The following GRM1 variants were observed in gnomAD, a reference collection of about 807,000 sequenced individuals.
GRM1 encodes the protein glutamate metabotropic receptor 1.
In GRM1, 33 loss-of-function variants were observed where a neutral mutation model predicts 90.9. The observed-to-expected ratio is 0.36, with a 90% CI of 0.28 to 0.49. The LOEUF (loss-of-function observed/expected upper bound fraction) is 0.49, where lower values mean the gene tolerates loss of function less well. GRM1 is among the 20% of genes least tolerant of loss of function. The pLI, the probability that GRM1 is intolerant of heterozygous loss-of-function variation, is 0.99. For synonymous variants in GRM1, 700 were observed against 613.2 expected (o/e 1.14, Z -2.09); for missense variants, 1,190 against 1,534.3 (o/e 0.78, Z 3.75).
intron 2 of GRM1, among the ~76,000 whole-genome samples, chr6:146,209,542 T>C (rs1374782860): frequency 6.6e-6 from 1 of 152,076 alleles, no homozygotes; most frequent in African/African-American, 2.4e-5. Flanking sequence ...TTTATTCTAC[T>C]ATATAGGGTT....
chr6:146,344,539 T>A (rs890402012), intron 3 of GRM1, among the ~76,000 whole-genome samples: 1 of 152,214 alleles, frequency 6.6e-6, no homozygotes, highest in African/African-American at 2.4e-5. Context: ...ATAACATTAA[T>A]CTTCCTAAAT....
chr6:146,364,203 A>G (rs1248252683), intron 5 of GRM1, among the ~76,000 whole-genome samples: 1 of 152,060 alleles, frequency 6.6e-6, no homozygotes, highest in Non-Finnish European at 1.5e-5. Flanking sequence ...CTAGCTATTT[A>G]TTTTTGTTTT....
intron 1 of GRM1, among the ~76,000 whole-genome samples, chr6:146,130,759 GT>G (rs992169357): frequency 7.9e-5 from 12 of 152,148 alleles, no homozygotes; most frequent in Non-Finnish European, 2.9e-5. Context: ...TTTTATCTGA[GT>G]TTAGGCTGTG....
At chr6:146,125,003 A>G (rs959105733) in intron 1 of GRM1, among the ~76,000 whole-genome samples, 1 of 152,150 alleles carries the variant, frequency 6.6e-6, no homozygotes, top group African/African-American at 2.4e-5. Flanking sequence ...ACATCATGTA[A>G]GTGAGTTAAA....
At chr6:146,210,884 C>T (rs1287646892) in intron 2 of GRM1, among the ~76,000 whole-genome samples, 1 of 152,038 alleles carries the variant, frequency 6.6e-6, no homozygotes, top group East Asian at 1.9e-4. Context: ...CTTGTGTATG[C>T]TAAAGAATGG....
intron 2 of GRM1, among the ~76,000 whole-genome samples, chr6:146,275,797 G>A (rs1023028834): frequency 3.9e-5 from 6 of 152,062 alleles, no homozygotes; most frequent in Non-Finnish European, 4.4e-5. Flanking sequence ...AGTCAGCACC[G>A]ATGATACTGA....
chr6:146,173,483 A>G (rs1778218332), intron 2 of GRM1, among the ~76,000 whole-genome samples: 2 of 151,852 alleles, frequency 1.3e-5, no homozygotes, highest in African/African-American at 4.8e-5. Context: ...TTCCAATCCT[A>G]TCATATCCCA....
chr6:146,392,503 T>C (rs539243007), intron 6 of GRM1, among the ~76,000 whole-genome samples: 1 of 152,336 alleles, frequency 6.6e-6, no homozygotes, highest in South Asian at 2.1e-4. Flanking sequence ...AGTATTGTTA[T>C]TGGAAAAGTT....
intron 6 of GRM1, among the ~76,000 whole-genome samples, chr6:146,394,508 T>A (rs770291767): frequency 2.1e-4 from 32 of 152,158 alleles, no homozygotes; most frequent in Admixed American, 8.5e-4. Context: ...GGGTCAGCAG[T>A]TAACTTCCAT....
At chr6:146,094,160 G>A (rs370690089) in intron 1 of GRM1, among the ~76,000 whole-genome samples, 3 of 152,170 alleles carry the variant, frequency 2.0e-5, no homozygotes, top group East Asian at 3.9e-4. Context: ...TTTGTTAACC[G>A]TATTAAATTA....
intron 1 of GRM1, among the ~76,000 whole-genome samples, chr6:146,133,833 A>G (rs770009042): frequency 1.6e-4 from 25 of 152,230 alleles, no homozygotes; most frequent in Non-Finnish European, 2.9e-4. Context: ...TTAGGATATC[A>G]GGGCTTTAAT....
intron 1 of GRM1, among the ~76,000 whole-genome samples, chr6:146,149,012 C>G (rs982428343): frequency 5.3e-5 from 8 of 152,102 alleles, no homozygotes; most frequent in African/African-American, 1.9e-4. Context: ...ATGATGATCT[C>G]CTTTTGTATT....
At chr6:146,360,155 G>A (rs980254490) in intron 5 of GRM1, among the ~76,000 whole-genome samples, 7 of 152,020 alleles carry the variant, frequency 4.6e-5, no homozygotes, top group African/African-American at 1.7e-4. Flanking sequence ...GTATTAACTG[G>A]GAAATACAGC....
intron 2 of GRM1, among the ~76,000 whole-genome samples, chr6:146,303,140 G>T (rs1783453864): frequency 1.3e-5 from 2 of 152,116 alleles, no homozygotes; most frequent in South Asian, 4.2e-4. Flanking sequence ...GAGAAGAACT[G>T]CACTGCTTAG....
At chr6:146,367,497 A>C (rs1251791261) in intron 5 of GRM1, among the ~76,000 whole-genome samples, 1 of 151,756 alleles carries the variant, frequency 6.6e-6, no homozygotes, top group African/African-American at 2.4e-5. Context: ...CATGCCACTG[A>C]GGTTTGGTGT....
intron 3 of GRM1, among the ~76,000 whole-genome samples, chr6:146,326,119 A>G (rs1583329027): frequency 6.6e-6 from 1 of 152,330 alleles, no homozygotes; most frequent in East Asian, 1.9e-4. Context: ...TAGAAACAAA[A>G]GTTAGATTGT....
chr6:146,145,113 G>A (rs1459586947), intron 1 of GRM1, among the ~76,000 whole-genome samples: 4 of 151,864 alleles, frequency 2.6e-5, no homozygotes, highest in Non-Finnish European at 5.9e-5. Context: ...CGAAATTCAG[G>A]AAAAAAGGAA....
intron 5 of GRM1, among the ~76,000 whole-genome samples, chr6:146,366,115 A>AT (rs1420172639): frequency 2.0e-5 from 3 of 152,218 alleles, no homozygotes; most frequent in Non-Finnish European, 4.4e-5. Flanking sequence ...GACACATTGC[A>AT]TGTAGGCTAG....
chr6:146,437,317 C>A lies in GRM1; in HGVS notation c.*2521C>A, dbSNP rs1384702575. On this transcript the variant is annotated 3_prime_UTR_variant, in exon 8 of 8. Coordinates refer to ENST00000282753, the MANE Select transcript of GRM1 (RefSeq NM_001278064.2). ...AGGTTGGTCTAAGACTTTTGGTGAACACGTTCATTCAACTGTGATCACTTT... is the reference window on the plus strand; with the variant it reads ...AGGTTGGTCTAAGACTTTTGGTGAAAACGTTCATTCAACTGTGATCACTTT... 1 of 152,522 alleles carries A rather than the reference C, an allele frequency of 6.6e-6. No homozygotes were observed. Among genetic ancestry groups the A allele is most frequent in the Non-Finnish European group, 1.5e-5 (1 of 68,020 alleles). 9.4% of individuals were successfully genotyped at this position (152,522 alleles called of 1,614,324 possible). A position where few individuals can be genotyped will look rare whatever the true frequency, so the allele number is the denominator to read the frequency against.
Sources: allele counts gnomAD v4.1 joint callset (sites outside exome capture counted in the v4.1 genomes callset), GRCh38; gene constraint gnomAD v4.1.1; transcripts MANE v1.5; gene names NCBI Gene and HGNC (gene_info 2026-07-23, HGNC 2026-07-21).